The following JARID2 variants were observed in gnomAD, a reference collection of about 807,000 sequenced individuals.
JARID2 encodes the protein protein Jumonji.
Under a neutral mutation model 125.6 loss-of-function variants are expected in JARID2, and 21 were observed. That is an observed-to-expected ratio of 0.17 (90% confidence interval 0.12 to 0.24). JARID2 has a LOEUF of 0.24. Among genes scored for constraint, JARID2 ranks in the 10% least tolerant of loss-of-function variants. The pLI is 1.00. For missense variants in JARID2, 1,303 were observed against 1,639.6 expected (o/e 0.79, Z 3.55); for synonymous variants, 736 against 661.6 (o/e 1.11, Z -1.73).
intron 3 of JARID2, among the ~76,000 whole-genome samples, chr6:15,429,702 C>T (rs1001648816): frequency 6.6e-6 from 1 of 152,092 alleles, no homozygotes; most frequent in East Asian, 1.9e-4. Context: ...AGTAAAAACC[C>T]ATTGGATTTG....
At chr6:15,346,948 C>T (rs1029535591) in intron 1 of JARID2, among the ~76,000 whole-genome samples, 3 of 152,024 alleles carry the variant, frequency 2.0e-5, no homozygotes, top group African/African-American at 7.3e-5. Context: ...GTTGGCTAGG[C>T]TGCTCTCGAA....
chr6:15,421,748 C>T (rs537106871), intron 3 of JARID2, among the ~76,000 whole-genome samples: 30 of 152,270 alleles, frequency 2.0e-4, no homozygotes, highest in African/African-American at 7.2e-4. Flanking sequence ...GCCACTGTAC[C>T]ATGTCACCTT....
Position 15,390,624 on chromosome 6 carries a change from C to T in JARID2, c.181+16372C>T, listed in dbSNP as rs779038791. 2.0e-5 allele frequency among the ~76,000 whole-genome samples: 3 copies of T among 152,166 alleles called. No homozygotes were observed. The South Asian group carries it at 6.2e-4, about 32-fold the overall frequency. ...TTTTGTGGGGGTAGGCAGTTGTTGACAGAGCTCAGGTCATCTCTGGGAACG... is the reference window on the plus strand; with the variant it reads ...TTTTGTGGGGGTAGGCAGTTGTTGATAGAGCTCAGGTCATCTCTGGGAACG... On this transcript the variant is annotated intron_variant, in intron 2 of 17. Coordinates refer to ENST00000341776, the MANE Select transcript of JARID2 (RefSeq NM_004973.4).
In JARID2 at chr6:15,392,536, G is replaced by T. The variant is rs572986708; in HGVS notation, c.182-17688G>T. Among the ~76,000 whole-genome samples, 365 of 152,270 alleles carry T rather than the reference G, an allele frequency of 2.4e-3. 3 individuals carry two copies. Among genetic ancestry groups the T allele is most frequent in the African/African-American group, 8.5e-3 (352 of 41,542 alleles). ...GGGACTGCTGCAGACATGTTGGTCA[G>T]CATGGTCAGCAGTATAGGTCATTGC... On this transcript the variant is annotated intron_variant, in intron 2 of 17. Coordinates refer to ENST00000341776, the MANE Select transcript of JARID2 (RefSeq NM_004973.4).
At chr6:15,327,748 G>T (rs1415076888) in intron 1 of JARID2, among the ~76,000 whole-genome samples, 3 of 152,172 alleles carry the variant, frequency 2.0e-5, no homozygotes, top group Non-Finnish European at 4.4e-5. Flanking sequence ...TTTATAAAAA[G>T]AATAAATTCA....
chr6:15,513,444 G>T, intron 16 of JARID2, 22 bp downstream of exon 16: 1 of 1,553,632 alleles, frequency 6.4e-7, no homozygotes, highest in Non-Finnish European at 8.8e-7. Flanking sequence ...TGGCCCTGCC[G>T]GCGCCCTCGC....
intron 16 of JARID2, among the ~76,000 whole-genome samples, chr6:15,515,119 T>A (rs1013101882): frequency 1.1e-4 from 16 of 152,054 alleles, no homozygotes; most frequent in Non-Finnish European, 2.4e-4. Flanking sequence ...TGATCCTGTC[T>A]CACTGTAGCC....
chr6:15,413,000 G>GTGT (rs1765950161), intron 3 of JARID2, among the ~76,000 whole-genome samples: 3 of 65,028 alleles, frequency 4.6e-5, no homozygotes, highest in African/African-American at 1.8e-4. Flanking sequence ...GGAAGAGCTT[G>GTGT]TGTTTTTGTT....
intron 16 of JARID2, among the ~76,000 whole-genome samples, chr6:15,515,395 G>A (rs1304550075): frequency 6.6e-6 from 1 of 152,178 alleles, no homozygotes; most frequent in African/African-American, 2.4e-5. Context: ...AAGCTGGTCT[G>A]TCCCTGTGAG....
At chr6:15,247,550 A>G (rs1759231657) in intron 1 of JARID2, 7 of 918,940 alleles carry the variant, frequency 7.6e-6, no homozygotes, top group African/African-American at 2.0e-5. Flanking sequence ...TTTTTCAAAA[A>G]AGGCCAAATG....
chr6:15,289,876 T>C (rs1162759170), intron 1 of JARID2, among the ~76,000 whole-genome samples: 1 of 152,058 alleles, frequency 6.6e-6, no homozygotes, highest in African/African-American at 2.4e-5. Flanking sequence ...CATGATATAA[T>C]TGGGACAAGA....
chr6:15,517,285 G>T lies in JARID2; in HGVS notation c.3558+17G>T. The T allele has an allele frequency of 6.4e-7, 1 of 1,567,450 alleles. No individual in the cohort carries two copies. Among genetic ancestry groups the T allele is most frequent in the Non-Finnish European group, 8.8e-7 (1 of 1,137,556 alleles). On this transcript the variant is annotated intron_variant, in intron 17 of 17. Coordinates refer to ENST00000341776, the MANE Select transcript of JARID2 (RefSeq NM_004973.4). ...TACGATGAGGTCAGTCCCTGCCCGC[G>T]GGGTAGGGCAGGGCGGCAGCGTGGC...
chr6:15,259,586 G>C (rs867117140), intron 1 of JARID2, among the ~76,000 whole-genome samples: 1 of 152,258 alleles, frequency 6.6e-6, no homozygotes. Context: ...TGGTGGACTT[G>C]GCTTCTTAAT....
intron 1 of JARID2, among the ~76,000 whole-genome samples, chr6:15,289,447 G>T (rs1342495331): frequency 6.6e-6 from 1 of 152,024 alleles, no homozygotes; most frequent in Non-Finnish European, 1.5e-5. Flanking sequence ...TGCCCAGGCT[G>T]GTCTCAAACT....
At chr6:15,502,731 G>A (rs970570206) in intron 8 of JARID2, among the ~76,000 whole-genome samples, 11 of 152,224 alleles carry the variant, frequency 7.2e-5, no homozygotes, top group Admixed American at 6.5e-4. Context: ...GAGGTACCCA[G>A]TTTTTCTGGC....
chr6:15,301,814 G>A (rs1415751283), intron 1 of JARID2, among the ~76,000 whole-genome samples: 1 of 152,150 alleles, frequency 6.6e-6, no homozygotes, highest in Non-Finnish European at 1.5e-5. Context: ...TTTATTATTA[G>A]CTTGAGAAGG....
At chr6:15,270,932 C>T (rs371920818) in intron 1 of JARID2, among the ~76,000 whole-genome samples, 1 of 151,332 alleles carries the variant, frequency 6.6e-6, no homozygotes, top group East Asian at 1.9e-4. Flanking sequence ...CAGAGCAAGG[C>T]TCCCTCTCAA....
intron 1 of JARID2, among the ~76,000 whole-genome samples, chr6:15,305,275 A>G (rs1761778919): frequency 6.6e-6 from 1 of 151,958 alleles, no homozygotes; most frequent in Admixed American, 6.5e-5. Flanking sequence ...TCCCTCCTTT[A>G]TGTAGCGTAA....
At chr6:15,407,397 TAC>T (rs942304647) in intron 2 of JARID2, among the ~76,000 whole-genome samples, 1 of 152,214 alleles carries the variant, frequency 6.6e-6, no homozygotes, top group African/African-American at 2.4e-5. Flanking sequence ...CACTTCTCTT[TAC>T]AGTCACCCAG....
Sources: allele counts gnomAD v4.1 joint callset (sites outside exome capture counted in the v4.1 genomes callset), GRCh38; gene constraint gnomAD v4.1.1; transcripts MANE v1.5; gene names NCBI Gene and HGNC (gene_info 2026-07-23, HGNC 2026-07-21).